The following XIRP1 variants were observed in gnomAD, a reference collection of about 807,000 sequenced individuals.
XIRP1 encodes xin actin binding repeat containing 1.
For synonymous variants in XIRP1, 984 were observed against 947.0 expected, an observed-to-expected ratio of 1.04 and a Z score of -0.72; for missense variants, 2,378 against 2,345.4, an observed-to-expected ratio of 1.01 and a Z score of -0.29.
At position 39,185,749 on chromosome 3, in the gene XIRP1, G is replaced by T. The variant is rs761771175; in HGVS notation, c.3697C>A (p.Arg1233Ser). The change falls in exon 2 of 2, where the codon CGC becomes AGC. Residue 1233 changes from arginine to serine, a missense_variant. Physicochemically the swap from Arg to Ser is moderately radical, Grantham distance 110. Coordinates refer to ENST00000340369, the MANE Select transcript of XIRP1 (RefSeq NM_194293.4). ...TGGGGCCCAGAGGCCAGAATGTGGC[G>T]GCCTAGAGGGGCAGTCTTCAGGGTG... is the stretch of plus-strand genomic sequence containing the variant. ...ETTLKTAPLG[R>S]HILASGPQAA... The T allele has an allele frequency of 1.2e-6, 2 of 1,606,866 alleles. No homozygotes were observed. The highest frequency in any genetic ancestry group is 2.7e-5 in the African/African-American group (2 of 74,728).
At position 39,187,523 on chromosome 3, in the gene XIRP1, G is replaced by A; in HGVS notation, c.1923C>T (p.Ser641=). 6.2e-7 allele frequency: 1 copy of A among 1,614,014 alleles called. No individual in the cohort carries two copies. The highest frequency in any genetic ancestry group is 8.5e-7 in the Non-Finnish European group (1 of 1,180,054). Residue 641 remains serine, a synonymous_variant, in exon 2 of 2, where the codon TCC becomes TCT. Transcript: ENST00000340369. Reference sequence around the variant, plus strand: ...GGCTAACCTGCAGGTGCTGCTCCCTGGAGCCCACTGGCCTGTCCACAGGTT... The same window carrying A: ...GGCTAACCTGCAGGTGCTGCTCCCTAGAGCCCACTGGCCTGTCCACAGGTT... ...KPQPVDRPVG[S]REQHLQVSQV... is the part of the protein sequence containing the mutation.
chr3:39,184,105 T>G lies in XIRP1; in HGVS notation c.5341A>C (p.Thr1781Pro). ...QYEEVDQFGN[T>P]VLMSSTTVTE... ...ACTGTGGTGGAAGACATGAGGACTG[T>G]GTTCCCAAACTGGTCCACCTCCTCA... The change falls in exon 2 of 2, where the codon ACA becomes CCA. Residue 1781 changes from threonine (T) to proline (P), a missense_variant. Thr to Pro is a conservative substitution (Grantham distance 38, BLOSUM62 -1). Coordinates refer to ENST00000340369, the MANE Select transcript of XIRP1 (RefSeq NM_194293.4). The G allele has an allele frequency of 1.2e-6, 2 of 1,605,652 alleles. No homozygotes were observed. Among genetic ancestry groups the G allele is most frequent in the Non-Finnish European group, 1.7e-6 (2 of 1,173,920 alleles).
In XIRP1 at chr3:39,189,271, T is replaced by C. The variant is rs751378558; in HGVS notation, c.175A>G (p.Arg59Gly). The C allele has an allele frequency of 6.2e-7, 1 of 1,613,886 alleles. No homozygotes were observed. Among genetic ancestry groups the C allele is most frequent in the South Asian group, 1.1e-5 (1 of 91,088 alleles). The change falls in exon 2 of 2, where the codon AGG becomes GGG. Residue 59 changes from arginine to glycine, a missense_variant. Coordinates refer to ENST00000340369, the MANE Select transcript of XIRP1 (RefSeq NM_194293.4). Reference sequence around the variant, plus strand: ...TTGCGGAGCTCAGGGTGGATGTGCCTGTAGAGGCGGCGGAGCTCACTAGCT... The same window carrying C: ...TTGCGGAGCTCAGGGTGGATGTGCCCGTAGAGGCGGCGGAGCTCACTAGCT... ...RQASELRRLY[R>G]HIHPELRKNL... is the part of the protein sequence containing the mutation.
chr3:39,184,208 T>C lies in XIRP1; in HGVS notation c.5238A>G (p.Gln1746=). 6.2e-7 allele frequency: 1 copy of C among 1,614,196 alleles called. No individual in the cohort carries two copies. Among genetic ancestry groups the C allele is most frequent in the Non-Finnish European group, 8.5e-7 (1 of 1,180,028 alleles). The change falls in exon 2 of 2, where the codon CAA becomes CAG. Residue 1746 remains glutamine (Q), a synonymous_variant. Coordinates refer to ENST00000340369, the MANE Select transcript of XIRP1 (RefSeq NM_194293.4). The stretch of plus-strand genomic sequence containing the variant: ...CCGTCTGTAGCTCCAGAACACTCTT[T>C]TGCCACCCTCTGGGCAGGGGACTGG... ...PSASPLPRGW[Q]KSVLELQTGP... is the part of the protein sequence containing the mutation.
chr3:39,190,394 C>A (rs1230548711), intron 1 of XIRP1, among the ~76,000 whole-genome samples: 1 of 152,060 alleles, frequency 6.6e-6, no homozygotes, highest in East Asian at 1.9e-4. Context: ...AGGTGTAAAG[C>A]TTTCTTATTG....
Position 39,185,725 on chromosome 3 carries a change from G to T in XIRP1, c.3721C>A (p.Gln1241Lys). Residue 1241 changes from glutamine to lysine, a missense_variant, in exon 2 of 2, where the codon CAA becomes AAA. Coordinates refer to ENST00000340369, the MANE Select transcript of XIRP1 (RefSeq NM_194293.4). ...GGGTGCGGGCTGGCACCTGCAGCTT[G>T]GGGCCCAGAGGCCAGAATGTGGCGG... ...LGRHILASGP[Q>K]AAGASPHPHN... 1 of 1,609,186 alleles carries T rather than the reference G, an allele frequency of 6.2e-7. No homozygotes were observed. The highest frequency in any genetic ancestry group is 8.5e-7 in the Non-Finnish European group (1 of 1,177,346).
Position 39,189,126 on chromosome 3 carries a change from C to G in XIRP1, c.320G>C (p.Gly107Ala), listed in dbSNP as rs1307075167. The stretch of plus-strand genomic sequence containing the variant: ...CTTGGCAGCTGGCCTCTCGTGTTCT[C>G]CAATGGCATCCAGTCTCCAGTTCTC... Reference protein sequence around the residue: ...IFENWRLDAIGEHERPAAKEP... With the variant: ...IFENWRLDAIAEHERPAAKEP... Residue 107 changes from glycine (G) to alanine (A), a missense_variant, in exon 2 of 2, where the codon GGA (glycine) becomes GCA (alanine). Physicochemically the swap from Gly to Ala is moderately conservative, Grantham distance 60. Transcript: ENST00000340369. The G allele has an allele frequency of 1.2e-6, 2 of 1,614,058 alleles. No individual in the cohort carries two copies. The highest frequency in any genetic ancestry group is 1.3e-5 in the African/African-American group (1 of 74,932).
In XIRP1 at chr3:39,188,224, G is replaced by T. The variant is rs765205844; in HGVS notation, c.1222C>A (p.Gln408Lys). 1.8e-5 allele frequency: 29 copies of T among 1,614,056 alleles called. No homozygotes were observed. Among genetic ancestry groups the T allele is most frequent in the Non-Finnish European group, 2.2e-5 (26 of 1,180,040 alleles). The change falls in exon 2 of 2, where the codon CAG (glutamine) becomes AAG (lysine). Residue 408 changes from glutamine (Q) to lysine (K), a missense_variant. Coordinates refer to ENST00000340369, the MANE Select transcript of XIRP1 (RefSeq NM_194293.4). ...CTGGATAGATGCCCCTCACCGTCCT[G>T]GGGATCCACTCGCTGTAGGTGACCC... ...QVGHLQRVDPQDGEGHLSSDS... is the reference protein window; with the variant it reads ...QVGHLQRVDPKDGEGHLSSDS...
Position 39,187,884 on chromosome 3 carries a change from A to G in XIRP1, c.1562T>C (p.Leu521Pro), listed in dbSNP as rs2040014530. The part of the protein sequence containing the change: ...GYRWMFETQP[L>P]DQLGRSPSTI... ...ACTGGGGCTTCGGCCGAGCTGGTCT[A>G]GGGGCTGTGTCTCAAACATCCACCT... Residue 521 changes from leucine (L) to proline (P), a missense_variant, in exon 2 of 2, where the codon CTA (leucine) becomes CCA (proline). Leu to Pro is a moderately conservative substitution (Grantham distance 98, BLOSUM62 -3). Coordinates refer to ENST00000340369, the MANE Select transcript of XIRP1 (RefSeq NM_194293.4). 7.4e-6 allele frequency: 12 copies of G among 1,614,002 alleles called. No homozygotes were observed. In the East Asian group the frequency reaches 2.2e-4, roughly 30 times the overall value.
rs934660139 is a variant in XIRP1 at position 39,189,141 on chromosome 3, C to T, written c.305G>A (p.Arg102Lys). The change falls in exon 2 of 2, where the codon AGA (arginine) becomes AAA (lysine). Residue 102 changes from arginine (R) to lysine (K), a missense_variant. By Grantham distance (26) the Arg-to-Lys change is conservative. Transcript: ENST00000340369. ...CTCGTGTTCTCCAATGGCATCCAGT[C>T]TCCAGTTCTCAAAGATCCAGCGCAT... The part of the protein sequence containing the change: ...QCMRWIFENW[R>K]LDAIGEHERP... 2.5e-6 allele frequency: 4 copies of T among 1,614,132 alleles called. No individual in the cohort carries two copies. Among genetic ancestry groups the T allele is most frequent in the Non-Finnish European group, 3.4e-6 (4 of 1,180,024 alleles).
chr3:39,188,257 C>T lies in XIRP1; in HGVS notation c.1189G>A (p.Val397Ile), dbSNP rs2040023720. ...TKPLDAFRDK[V>I]QVGHLQRVDP... ...ACTCGCTGTAGGTGACCCACTTGGA[C>T]CTTGTCTCTGAAAGCATCCAGGGGC... Residue 397 changes from valine (V) to isoleucine (I), a missense_variant, in exon 2 of 2, where the codon GTC (valine) becomes ATC (isoleucine). Transcript: ENST00000340369. The T allele has an allele frequency of 2.5e-6, 4 of 1,614,072 alleles. No homozygotes were observed. Among genetic ancestry groups the T allele is most frequent in the East Asian group, 4.5e-5 (2 of 44,896 alleles).
In XIRP1 at chr3:39,183,923, A is replaced by G; in HGVS notation, c.5523T>C (p.Ala1841=). Residue 1841 remains alanine (A), a synonymous_variant, in exon 2 of 2, where the codon GCT becomes GCC. Transcript: ENST00000340369. ...VQVSCSYSQP[A]AQ is the part of the protein sequence containing the mutation. ...TGGGAGGCGGTGGGCCTCACTGGGC[A>G]GCTGGCTGGGAGTAGCTGCAGGACA... The G allele has an allele frequency of 6.2e-7, 1 of 1,610,122 alleles. No individual in the cohort carries two copies.
At chr3:39,189,787 G>A (rs565666956) in intron 1 of XIRP1, among the ~76,000 whole-genome samples, 2 of 152,244 alleles carry the variant, frequency 1.3e-5, no homozygotes, top group Admixed American at 6.5e-5. Context: ...CATAAGGGAC[G>A]CATAAACCTC....
rs747351274 is a variant in XIRP1 at position 39,189,300 on chromosome 3, C to A, written c.146G>T (p.Arg49Leu). 1 of 1,610,138 alleles carries A rather than the reference C, an allele frequency of 6.2e-7. No individual in the cohort carries two copies. Among genetic ancestry groups the A allele is most frequent in the Non-Finnish European group, 8.5e-7 (1 of 1,178,066 alleles). ...KESFSKFHQQ[R>L]QASELRRLYR... ...GAGGCGGCGGAGCTCACTAGCTTGC[C>A]GCTGCTGATGGAACTTGGAGAAGGA... The change falls in exon 2 of 2, where the codon CGG (arginine) becomes CTG (leucine). Residue 49 changes from arginine to leucine, a missense_variant. Arg to Leu is a moderately radical substitution (Grantham distance 102). Transcript: ENST00000340369.
In XIRP1 at chr3:39,183,708, TG is replaced by T; in HGVS notation, c.*205del. The T allele has an allele frequency of 2.3e-6, 2 of 862,376 alleles. No individual in the cohort carries two copies. Among genetic ancestry groups the T allele is most frequent in the Non-Finnish European group, 1.7e-6 (1 of 584,850 alleles). 53.4% of individuals were successfully genotyped at this position (862,376 alleles called of 1,614,324 possible). A position where few individuals can be genotyped will look rare whatever the true frequency, so the allele number is the denominator to read the frequency against. On this transcript the variant is annotated 3_prime_UTR_variant, in exon 2 of 2. Coordinates refer to ENST00000340369, the MANE Select transcript of XIRP1 (RefSeq NM_194293.4). ...CTACCCCCACGCCTGTGCAACTCTG[TG>T]GGCCTCTTCCAGACCTTTCTTTTTC...
In XIRP1 at chr3:39,184,550, C is replaced by T. The variant is rs148029981; in HGVS notation, c.4896G>A (p.Glu1632=). Residue 1632 remains glutamate (E), a synonymous_variant, in exon 2 of 2, where the codon GAG becomes GAA. Coordinates refer to ENST00000340369, the MANE Select transcript of XIRP1 (RefSeq NM_194293.4). The part of the protein sequence containing the change: ...QSQVKIRNHT[E]ARGHTASTAP... Reference sequence around the variant, plus strand: ...CAGTTGAGGCTGTGTGACCTCTGGCCTCTGTGTGATTTCTGATCTTGACTT... The same window carrying T: ...CAGTTGAGGCTGTGTGACCTCTGGCTTCTGTGTGATTTCTGATCTTGACTT... The T allele has an allele frequency of 5.6e-6, 9 of 1,613,764 alleles. No individual in the cohort carries two copies. In the African/African-American group the frequency reaches 1.1e-4, roughly 19 times the overall value.
rs761453859 is a variant in XIRP1, at chr3:39,184,738, C to T, written c.4708G>A (p.Ala1570Thr). The change falls in exon 2 of 2, where the codon GCC becomes ACC. Residue 1570 changes from alanine to threonine, a missense_variant. Transcript: ENST00000340369. ...GGAGGTCCCTGGAAATGGCCTCTGG[C>T]ACTGGCCTCAGGCTGGAGGCTAGAC... The part of the protein sequence containing the change: ...SMSSLQPEAS[A>T]RGHFQGPPKD... The T allele has an allele frequency of 1.1e-5, 18 of 1,614,140 alleles. No individual in the cohort carries two copies. Among genetic ancestry groups the T allele is most frequent in the East Asian group, 2.2e-5 (1 of 44,902 alleles).
At chr3:39,191,686 G>A (rs1473885868) in intron 1 of XIRP1, among the ~76,000 whole-genome samples, 1 of 152,210 alleles carries the variant, frequency 6.6e-6, no homozygotes, top group Non-Finnish European at 1.5e-5. Flanking sequence ...CCCAAGAACT[G>A]TCCTAGAGCT....
Position 39,186,599 on chromosome 3 carries a change from C to T in XIRP1, c.2847G>A (p.Pro949=), listed in dbSNP as rs751741273. The change falls in exon 2 of 2, where the codon CCG becomes CCA. Residue 949 remains proline, a synonymous_variant. Transcript: ENST00000340369. ...SGLHSLRWEP[P]ADPSPVPASE... is the part of the protein sequence containing the mutation. ...TGGCTGGCACTGGACTCGGGTCAGC[C>T]GGGGGCTCCCACCGCAGACTGTGCA... 1.4e-5 allele frequency: 22 copies of T among 1,609,680 alleles called. No homozygotes were observed. Among genetic ancestry groups the T allele is most frequent in the Non-Finnish European group, 1.7e-5 (20 of 1,177,448 alleles).
Sources: allele counts gnomAD v4.1 joint callset (sites outside exome capture counted in the v4.1 genomes callset), GRCh38; gene constraint gnomAD v4.1.1; transcripts MANE v1.5; gene names NCBI Gene and HGNC (gene_info 2026-07-23, HGNC 2026-07-21).